MAPK10: variants seen among roughly 807,000 people sequenced by gnomAD.
The protein encoded by MAPK10 is JNK3 alpha protein kinase.
In MAPK10, 25 loss-of-function variants were observed where a neutral mutation model predicts 59.3. The observed-to-expected ratio is 0.42, with a 90% CI of 0.31 to 0.59. The LOEUF (loss-of-function observed/expected upper bound fraction) is 0.59, where lower values mean the gene tolerates loss of function less well. MAPK10 is among the 20% of genes least tolerant of loss of function. The pLI is 0.15. For synonymous variants in MAPK10, 190 were observed against 200.5 expected (o/e 0.95, Z 0.44); for missense variants, 351 against 568.9 (o/e 0.62, Z 3.90).
Position 86,272,709 on chromosome 4 carries a change from G to T in MAPK10, c.-6-78302C>A, listed in dbSNP as rs10030197. On this transcript the variant is annotated intron_variant, in intron 2 of 13. Transcript: ENST00000641462. ...ACCCAAACAGAAGTGGGCTAAAAATGGTTCATAGGTCTAGGCAGGGCAAAT... is the reference window on the plus strand; with the variant it reads ...ACCCAAACAGAAGTGGGCTAAAAATTGTTCATAGGTCTAGGCAGGGCAAAT... Among the ~76,000 whole-genome samples the T allele has an allele frequency of 8.8e-3, 1,340 of 152,082 alleles. 19 individuals are homozygous for T. The highest frequency in any genetic ancestry group is 0.031 in the African/African-American group (1,292 of 41,528).
intron 13 of MAPK10, chr4:86,020,095 T>C (rs1745620647): frequency 6.6e-6 from 1 of 152,224 alleles, no homozygotes; most frequent in African/African-American, 2.4e-5. Context: ...TCACCTACCC[T>C]GTAGCTCTAG....
chr4:86,053,174 G>T (rs1470888392), intron 11 of MAPK10, among the ~76,000 whole-genome samples: 2 of 152,118 alleles, frequency 1.3e-5, no homozygotes, highest in East Asian at 1.9e-4. Context: ...AACTGATGTG[G>T]CCTTTAAATT....
intron 1 of MAPK10, among the ~76,000 whole-genome samples, chr4:86,573,399 T>C (rs1578150884): frequency 6.6e-6 from 1 of 152,162 alleles, no homozygotes; most frequent in East Asian, 1.9e-4. Context: ...TCATCTTTGT[T>C]GGGATCATTT....
At chr4:86,318,892 ACTT>A (rs1240832580) in intron 2 of MAPK10, among the ~76,000 whole-genome samples, 1 of 144,758 alleles carries the variant, frequency 6.9e-6, no homozygotes, top group Non-Finnish European at 1.6e-5. Context: ...TCTCCATAGC[ACTT>A]CTTCACTTGA....
intron 1 of MAPK10, among the ~76,000 whole-genome samples, chr4:86,419,664 T>C (rs925720432): frequency 1.3e-5 from 2 of 152,178 alleles, no homozygotes; most frequent in East Asian, 1.9e-4. Context: ...GAAAATGAAA[T>C]AATGTTTTAT....
intron 4 of MAPK10, among the ~76,000 whole-genome samples, chr4:86,111,034 A>G (rs570518035): frequency 7.9e-5 from 12 of 151,822 alleles, no homozygotes; most frequent in African/African-American, 2.9e-4. Context: ...CTGCTTATCT[A>G]TTGGTGTATA....
chr4:86,222,156 G>T (rs1351399175), intron 2 of MAPK10, among the ~76,000 whole-genome samples: 1 of 152,134 alleles, frequency 6.6e-6, no homozygotes, highest in Non-Finnish European at 1.5e-5. Flanking sequence ...TTTCTGTACA[G>T]CCTGGGAAAC....
At chr4:86,075,530 T>C (rs1055421435) in intron 9 of MAPK10, among the ~76,000 whole-genome samples, 2 of 152,244 alleles carry the variant, frequency 1.3e-5, no homozygotes, top group Non-Finnish European at 2.9e-5. Context: ...TGGTTTTATC[T>C]ACTTTTGGTC....
intron 2 of MAPK10, among the ~76,000 whole-genome samples, chr4:86,333,656 A>T (rs1332748080): frequency 6.6e-6 from 1 of 152,200 alleles, no homozygotes; most frequent in East Asian, 1.9e-4. Context: ...GAATATACAG[A>T]AAAAGCCCAC....
At chr4:86,101,530 T>C (rs372334989) in intron 7 of MAPK10, 55 of 373,910 alleles carry the variant, frequency 1.5e-4, no homozygotes, top group East Asian at 1.4e-3. Flanking sequence ...TTTCAACATA[T>C]ATATCATTTC....
intron 13 of MAPK10, chr4:86,025,631 A>G (rs945735869): frequency 4.3e-5 from 17 of 395,808 alleles, no homozygotes; most frequent in African/African-American, 2.3e-4. Context: ...TTTGCCATCA[A>G]TAAAGCATTA....
At chr4:86,145,912 A>G (rs1009968043) in intron 4 of MAPK10, among the ~76,000 whole-genome samples, 11 of 152,186 alleles carry the variant, frequency 7.2e-5, no homozygotes, top group African/African-American at 2.7e-4. Flanking sequence ...GCAAGCTATT[A>G]ACACCCAAGA....
At chr4:86,048,218 A>G (rs907768763) in intron 11 of MAPK10, among the ~76,000 whole-genome samples, 2 of 152,112 alleles carry the variant, frequency 1.3e-5, no homozygotes, top group African/African-American at 4.8e-5. Context: ...CACTCGGTAG[A>G]TAAAACTGAA....
intron 1 of MAPK10, among the ~76,000 whole-genome samples, chr4:86,436,502 T>C (rs976161268): frequency 2.0e-5 from 3 of 152,180 alleles, no homozygotes; most frequent in Admixed American, 6.5e-5. Context: ...TAGGCACCAA[T>C]GTAGCCTTTT....
At chr4:86,484,256 A>G (rs1413368062) in intron 1 of MAPK10, among the ~76,000 whole-genome samples, 1 of 152,230 alleles carries the variant, frequency 6.6e-6, no homozygotes, top group African/African-American at 2.4e-5. Context: ...TTCACTTTAT[A>G]TAATTCATTC....
chr4:86,293,571 A>G (rs1335676893), intron 2 of MAPK10, among the ~76,000 whole-genome samples: 7 of 152,210 alleles, frequency 4.6e-5, no homozygotes, highest in Admixed American at 3.9e-4. Context: ...GCATTGCTAT[A>G]TGGAAATACC....
intron 2 of MAPK10, among the ~76,000 whole-genome samples, chr4:86,238,903 C>G (rs9654155): frequency 0.24 from 37,026 of 152,118 alleles, 5,443 homozygotes; most frequent in African/African-American, 0.4. Flanking sequence ...AGCGGTGACA[C>G]AGGGCATCCT....
intron 1 of MAPK10, among the ~76,000 whole-genome samples, chr4:86,369,278 A>G (rs932814335): frequency 6.6e-6 from 1 of 152,216 alleles, no homozygotes; most frequent in African/African-American, 2.4e-5. Flanking sequence ...AATTAAAATA[A>G]AAGTTTAATA....
intron 1 of MAPK10, among the ~76,000 whole-genome samples, chr4:86,494,867 A>G (rs1266326733): frequency 1.3e-5 from 2 of 149,230 alleles, no homozygotes; most frequent in African/African-American, 4.9e-5. Flanking sequence ...AAAAAAAAAA[A>G]AAAAAAAAAA....
Sources: allele counts gnomAD v4.1 joint callset (sites outside exome capture counted in the v4.1 genomes callset), GRCh38; gene constraint gnomAD v4.1.1; transcripts MANE v1.5; gene names NCBI Gene and HGNC (gene_info 2026-07-23, HGNC 2026-07-21).